Variants in WFDC1 observed in about 807,000 individuals in gnomAD.
The protein encoded by WFDC1 is WAP four-disulfide core domain 1.
Under a neutral mutation model 32.9 loss-of-function variants are expected in WFDC1, and 39 were observed. That is an observed-to-expected ratio of 1.19 (90% CI 0.92 to 1.55). The LOEUF (loss-of-function observed/expected upper bound fraction) is 1.55. Among genes scored for constraint, WFDC1 ranks in the 40% most tolerant of loss-of-function variants. WFDC1 has a pLI of 0.00. For synonymous variants in WFDC1, 184 were observed against 137.4 expected (o/e 1.34, Z -2.37); for missense variants, 386 against 309.5 (o/e 1.25, Z -1.85).
intron 2 of WFDC1, among the ~76,000 whole-genome samples, chr16:84,313,546 C>G (rs1012927634): frequency 1.3e-5 from 2 of 152,206 alleles, no homozygotes; most frequent in African/African-American, 4.8e-5. Context: ...AGATTCGAGG[C>G]TTTTCTTTAA....
chr16:84,294,928 C>G lies in WFDC1; in HGVS notation c.-44C>G, dbSNP rs780440065. ...TCACAGGCCCACGCAGCGAGGGGGGCCCCTCTTCTGTGTGCGTCTGGAAGG... is the reference window on the plus strand; with the variant it reads ...TCACAGGCCCACGCAGCGAGGGGGGGCCCTCTTCTGTGTGCGTCTGGAAGG... On this transcript the variant is annotated 5_prime_UTR_variant, in exon 1 of 7. Transcript: ENST00000219454. 4.2e-5 allele frequency: 67 copies of G among 1,589,896 alleles called. No homozygotes were observed. Among genetic ancestry groups the G allele is most frequent in the Middle Eastern group, 1.7e-4 (1 of 5,942 alleles).
chr16:84,318,568 T>G, intron 3 of WFDC1: 1 of 535,728 alleles, frequency 1.9e-6, no homozygotes, highest in South Asian at 2.3e-5. Context: ...AATAAGGGCT[T>G]CGACTCTCCC....
At chr16:84,308,049 C>G (rs1907369740) in intron 1 of WFDC1, among the ~76,000 whole-genome samples, 2 of 152,340 alleles carry the variant, frequency 1.3e-5, no homozygotes, top group South Asian at 4.1e-4. Context: ...GTCATTTTCA[C>G]TTTTCGTGAA....
In WFDC1 at chr16:84,319,369, C is replaced by G. The variant is rs946976523; in HGVS notation, c.422-62C>G. ...GTCCCGGGAGTCTGCCTTCTAGACC[C>G]TAGCATGTGCACCTGTCCTGGGAGT... On this transcript the variant is annotated intron_variant, in intron 3 of 6. Coordinates refer to ENST00000219454, the MANE Select transcript of WFDC1 (RefSeq NM_021197.4). 13 of 1,584,780 alleles carry G rather than the reference C, an allele frequency of 8.2e-6. No individual in the cohort carries two copies. In the South Asian group the frequency reaches 9.0e-5, roughly 11 times the overall value.
At chr16:84,324,575 A>G in intron 5 of WFDC1, 115 bp downstream of exon 5, 1 of 1,205,516 alleles carries the variant, frequency 8.3e-7, no homozygotes, top group Non-Finnish European at 1.2e-6. Flanking sequence ...ACAAAATGGG[A>G]CCTGGGATTA....
chr16:84,315,026 C>T (rs1450576779), intron 2 of WFDC1, among the ~76,000 whole-genome samples: 1 of 152,242 alleles, frequency 6.6e-6, no homozygotes. Flanking sequence ...ATCATTTGCC[C>T]AAGGTCACAC....
At chr16:84,317,931 C>G (rs577257396) in intron 2 of WFDC1, 1 of 254,540 alleles carries the variant, frequency 3.9e-6, no homozygotes, top group African/African-American at 2.2e-5. Context: ...TCCACATGGT[C>G]AGAATGGCCC....
intron 2 of WFDC1, chr16:84,318,010 G>C: frequency 5.1e-6 from 2 of 393,892 alleles, no homozygotes; most frequent in South Asian, 5.8e-5. Context: ...GAGACAGGAA[G>C]TTGCATGGTC....
intron 4 of WFDC1, among the ~76,000 whole-genome samples, chr16:84,321,763 G>A (rs1024213550): frequency 6.6e-6 from 1 of 152,218 alleles, no homozygotes; most frequent in Non-Finnish European, 1.5e-5. Context: ...CCTGCAAAAG[G>A]AGAAGTAGAA....
chr16:84,300,831 A>G (rs930110365), intron 1 of WFDC1, among the ~76,000 whole-genome samples: 5 of 152,164 alleles, frequency 3.3e-5, no homozygotes, highest in Non-Finnish European at 5.9e-5. Flanking sequence ...TTAGTTGGGC[A>G]TGGTGGTGCA....
chr16:84,300,339 C>A (rs1473105654), intron 1 of WFDC1, among the ~76,000 whole-genome samples: 1 of 152,228 alleles, frequency 6.6e-6, no homozygotes, highest in African/African-American at 2.4e-5. Flanking sequence ...CACACGGTTT[C>A]TCCAAGGTCC....
At chr16:84,297,731 C>G (rs993366903) in intron 1 of WFDC1, among the ~76,000 whole-genome samples, 30 of 151,846 alleles carry the variant, frequency 2.0e-4, no homozygotes, top group African/African-American at 7.0e-4. Flanking sequence ...GAGCACCTGG[C>G]CTGGAACTTA....
intron 1 of WFDC1, among the ~76,000 whole-genome samples, chr16:84,308,689 G>A (rs904664481): frequency 6.6e-6 from 1 of 151,940 alleles, no homozygotes; most frequent in Non-Finnish European, 1.5e-5. Flanking sequence ...GGGTGTAGAC[G>A]CCATCCTTGG....
intron 1 of WFDC1, chr16:84,296,803 A>G (rs1462362942): frequency 6.6e-6 from 1 of 152,238 alleles, no homozygotes; most frequent in African/African-American, 2.4e-5. Context: ...ATTAGGAATT[A>G]GGAGGAGGAA....
chr16:84,319,341 C>A, intron 3 of WFDC1, 90 bp from the exon 4 acceptor site: 1 of 1,534,648 alleles, frequency 6.5e-7, no homozygotes, highest in Non-Finnish European at 8.8e-7. Context: ...GTTCCCTGCA[C>A]CCGTCCCGGG....
chr16:84,318,470 C>A, intron 3 of WFDC1, 115 bp downstream of exon 3: 1 of 951,100 alleles, frequency 1.1e-6, no homozygotes. Flanking sequence ...GGCCCTTCAG[C>A]CAAACACTCA....
intron 2 of WFDC1, among the ~76,000 whole-genome samples, chr16:84,314,855 C>T (rs1006829418): frequency 6.6e-6 from 1 of 152,252 alleles, no homozygotes; most frequent in African/African-American, 2.4e-5. Context: ...TCTAGCCTTG[C>T]CTCCTGCCTA....
At chr16:84,295,246 A>C in intron 1 of WFDC1, 131 bp downstream of exon 1, 1 of 1,221,108 alleles carries the variant, frequency 8.2e-7, no homozygotes, top group Non-Finnish European at 1.1e-6. Flanking sequence ...GCGTCTTCCT[A>C]TCCGTGTGTG....
At chr16:84,297,213 T>C (rs535900840) in intron 1 of WFDC1, among the ~76,000 whole-genome samples, 3 of 152,128 alleles carry the variant, frequency 2.0e-5, no homozygotes, top group Non-Finnish European at 4.4e-5. Context: ...CCACCACTGG[T>C]CAGGATGCAA....
Sources: allele counts gnomAD v4.1 joint callset (sites outside exome capture counted in the v4.1 genomes callset), GRCh38; gene constraint gnomAD v4.1.1; transcripts MANE v1.5; gene names NCBI Gene and HGNC (gene_info 2026-07-23, HGNC 2026-07-21).